Variants in CAMKK1 observed in about 807,000 individuals in gnomAD.
The protein encoded by CAMKK1 is calcium/calmodulin dependent protein kinase kinase 1, also known as calcium/calmodulin-dependent protein kinase kinase 1.
In CAMKK1, 20 loss-of-function variants were observed where a neutral mutation model predicts 63.5. The observed-to-expected ratio is 0.32, with a 90% CI of 0.22 to 0.46. The LOEUF is 0.46. Ranked by LOEUF, CAMKK1 falls within the 20% of genes least tolerant of loss-of-function variation. The pLI, the probability that CAMKK1 is intolerant of heterozygous loss-of-function variation, is 1.00. For synonymous variants in CAMKK1, 253 were observed against 269.0 expected (o/e 0.94, Z 0.58); for missense variants, 588 against 658.1 (o/e 0.89, Z 1.17).
Position 3,885,583 on chromosome 17 carries a change from T to C in CAMKK1, c.105A>G (p.Pro35=), listed in dbSNP as rs771490467. The C allele has an allele frequency of 6.2e-7, 1 of 1,614,128 alleles. No individual in the cohort carries two copies. The highest frequency in any genetic ancestry group is 1.1e-5 in the South Asian group (1 of 91,088). The change falls in exon 2 of 16, where the codon CCA becomes CCG. Residue 35 remains proline, a synonymous_variant. Transcript: ENST00000348335. ...GGTCCACACCGTTTCTAGTAGGCTC[T>C]GGGCCACCATCTGCCTCCTCCAAGT... ...VTHLEEADGG[P]EPTRNGVDPP...
intron 14 of CAMKK1, among the ~76,000 whole-genome samples, chr17:3,868,630 GC>G (rs2054681433): frequency 6.6e-6 from 1 of 152,124 alleles, no homozygotes; most frequent in East Asian, 1.9e-4. Flanking sequence ...GGTGACTGCT[GC>G]CGCTGAGCAA....
Position 3,876,345 on chromosome 17 carries a change from C to A in CAMKK1, c.874G>T (p.Ala292Ser). 1 of 1,614,204 alleles carries A rather than the reference C, an allele frequency of 6.2e-7. No homozygotes were observed. Among genetic ancestry groups the A allele is most frequent in the Non-Finnish European group, 8.5e-7 (1 of 1,180,036 alleles). ...LLGDDGHVKIADFGVSNQFEG... is the reference protein window; with the variant it reads ...LLGDDGHVKISDFGVSNQFEG... ...AACTGGTTGCTGACGCCAAAGTCGG[C>A]GATCTTCACGTGCCCATCATCCCCC... Residue 292 changes from alanine to serine, a missense_variant, in exon 10 of 16, where the codon GCC becomes TCC. Around this residue, in one of 3 missense-constraint regions of CAMKK1, gnomAD observed 357 missense variants for 407.4 expected, o/e 0.88. Transcript: ENST00000348335.
rs181256387 is a variant in CAMKK1, at chr17:3,871,802, C to T, written c.1124+752G>A. On this transcript the variant is annotated intron_variant, in intron 12 of 15. Transcript: ENST00000348335. ...CTGGGACTACAGATGTGCGCCACCA[C>T]GCCTGGCTAATTTTTGTATTTTTAG... Among the ~76,000 whole-genome samples, 148 of 151,926 alleles carry T rather than the reference C, an allele frequency of 9.7e-4. 1 individual carries two copies. The highest frequency in any genetic ancestry group is 3.4e-3 in the Middle Eastern group (1 of 294).
chr17:3,874,808 C>T (rs1028209111), intron 10 of CAMKK1, among the ~76,000 whole-genome samples: 1 of 151,896 alleles, frequency 6.6e-6, no homozygotes, highest in Admixed American at 6.6e-5. Flanking sequence ...CATGCCTGAC[C>T]GATATATAAG....
rs1027723908 is a variant in CAMKK1, at chr17:3,875,738, C to A, written c.996+485G>T. ...CCTCTTGTTCAGACAACTTTGCCTA[C>A]GCTCCTGTCACTTAGGAGAAAGCCC... is the stretch of plus-strand genomic sequence containing the variant. On this transcript the variant is annotated intron_variant, in intron 10 of 15. Coordinates refer to ENST00000348335, the MANE Select transcript of CAMKK1 (RefSeq NM_032294.3). Among the ~76,000 whole-genome samples, 4 of 152,292 alleles carry A rather than the reference C, an allele frequency of 2.6e-5. No homozygotes were observed. In the South Asian group the frequency reaches 8.3e-4, roughly 32 times the overall value.
At chr17:3,877,160 G>A (rs1229857258) in intron 9 of CAMKK1, among the ~76,000 whole-genome samples, 1 of 152,114 alleles carries the variant, frequency 6.6e-6, no homozygotes, top group Non-Finnish European at 1.5e-5. Context: ...CCCCCACCCA[G>A]GCTAGGCAAA....
chr17:3,882,575 G>A lies in CAMKK1; in HGVS notation c.649-11C>T. ...TGGGTCATCCAGGACCTGGTCAGAG[G>A]GAGCAGACATGGGGGTGGGGCTTGA... On this transcript the variant is annotated splice_polypyrimidine_tract_variant and intron_variant, in intron 6 of 15. Coordinates refer to ENST00000348335, the MANE Select transcript of CAMKK1 (RefSeq NM_032294.3). This position sits in a 1 kb window ranked among gnomAD's most constrained non-coding sequence, Gnocchi z 4.3. 1.9e-6 allele frequency: 3 copies of A among 1,590,738 alleles called. No individual in the cohort carries two copies. The highest frequency in any genetic ancestry group is 2.6e-6 in the Non-Finnish European group (3 of 1,168,470).
intron 1 of CAMKK1, among the ~76,000 whole-genome samples, 185 bp from the exon 2 acceptor site, chr17:3,885,915 A>T (rs1024528085): frequency 1.3e-5 from 2 of 152,192 alleles, no homozygotes; most frequent in Non-Finnish European, 2.9e-5. Flanking sequence ...GTTCTGCCGC[A>T]TGCCAGCCCT....
chr17:3,890,072 G>A lies in CAMKK1; in HGVS notation c.-44+2867C>T, dbSNP rs1365155418. On this transcript the variant is annotated intron_variant, in intron 1 of 15. Transcript: ENST00000348335. This position sits in a 1 kb window ranked among gnomAD's most constrained non-coding sequence, Gnocchi z 6.5. Reference sequence around the variant, plus strand: ...ACCGAACAGAAGGGAAAGCCGCAGAGGTGGCGGCCACCCAGGCCAGACACA... The same window carrying A: ...ACCGAACAGAAGGGAAAGCCGCAGAAGTGGCGGCCACCCAGGCCAGACACA... Among the ~76,000 whole-genome samples, 19 of 152,240 alleles carry A rather than the reference G, an allele frequency of 1.2e-4. No individual in the cohort carries two copies. Among genetic ancestry groups the A allele is most frequent in the Non-Finnish European group, 2.2e-4 (15 of 68,044 alleles).
chr17:3,876,102 G>A, intron 10 of CAMKK1, 121 bp downstream of exon 10: 1 of 923,736 alleles, frequency 1.1e-6, no homozygotes, highest in East Asian at 2.7e-5. Flanking sequence ...CAAGGAAGAG[G>A]CAAATATGTC....
Position 3,889,956 on chromosome 17 carries a change from G to A in CAMKK1, c.-44+2983C>T, listed in dbSNP as rs1395233772. Reference sequence around the variant, plus strand: ...GCCCTGGTCAGGCCTCATTCTGAGCGCTGGAAGGCCGCTGTGAACCCCAGT... The same window carrying A: ...GCCCTGGTCAGGCCTCATTCTGAGCACTGGAAGGCCGCTGTGAACCCCAGT... On this transcript the variant is annotated intron_variant, in intron 1 of 15. Transcript: ENST00000348335. This position sits in a 1 kb window ranked among gnomAD's most constrained non-coding sequence, Gnocchi z 5.2. 1.3e-5 allele frequency among the ~76,000 whole-genome samples: 2 copies of A among 152,214 alleles called. No individual in the cohort carries two copies. The highest frequency in any genetic ancestry group is 2.4e-5 in the African/African-American group (1 of 41,456).
Position 3,862,150 on chromosome 17 carries a change from G to T in CAMKK1, c.*61C>A. The T allele has an allele frequency of 7.1e-7, 1 of 1,409,816 alleles. No individual in the cohort carries two copies. The highest frequency in any genetic ancestry group is 9.7e-7 in the Non-Finnish European group (1 of 1,026,336). The allele number at this position is 1,409,816 out of a possible 1,614,324, so 87.3% of individuals were successfully genotyped here. A position where few individuals can be genotyped will look rare whatever the true frequency, so the allele number is the denominator to read the frequency against. On this transcript the variant is annotated 3_prime_UTR_variant, in exon 16 of 16. Transcript: ENST00000348335. This position sits in a 1 kb window ranked among gnomAD's most constrained non-coding sequence, Gnocchi z 4.1. Reference sequence around the variant, plus strand: ...TGCGGGGGCGGCTGTTGCATGAGGGGTGGGCCTCTGGAGGCGCGGGATGAG... The same window carrying T: ...TGCGGGGGCGGCTGTTGCATGAGGGTTGGGCCTCTGGAGGCGCGGGATGAG...
chr17:3,883,223 T>G lies in CAMKK1; in HGVS notation c.515-48A>C. 6.2e-7 allele frequency: 1 copy of G among 1,602,178 alleles called. No individual in the cohort carries two copies. The highest frequency in any genetic ancestry group is 8.5e-7 in the Non-Finnish European group (1 of 1,176,916). On this transcript the variant is annotated intron_variant, in intron 5 of 15. Transcript: ENST00000348335. This position sits in a 1 kb window ranked among gnomAD's most constrained non-coding sequence, Gnocchi z 4.7. ...AACACCTGTTCCAGGTGGCTGGGCC[T>G]CACCGTGGCCCCCAAACCAGTCTCA...
Position 3,861,941 on chromosome 17 carries a change from G to C in CAMKK1, c.*270C>G, listed in dbSNP as rs954019670. Reference sequence around the variant, plus strand: ...CATTTCTGAGGCTCCATGGGCACCCGGTTTCCCCACAGAATGGGTCAGGCC... The same window carrying C: ...CATTTCTGAGGCTCCATGGGCACCCCGTTTCCCCACAGAATGGGTCAGGCC... On this transcript the variant is annotated 3_prime_UTR_variant, in exon 16 of 16. Transcript: ENST00000348335. The C allele has an allele frequency of 4.7e-5, 22 of 465,834 alleles. No individual in the cohort carries two copies. Among genetic ancestry groups the C allele is most frequent in the Non-Finnish European group, 6.6e-5 (17 of 257,448 alleles). The allele number at this position is 465,834 out of a possible 1,614,324, so 28.9% of individuals were successfully genotyped here. A position where few individuals can be genotyped will look rare whatever the true frequency, so the allele number is the denominator to read the frequency against.
Position 3,892,744 on chromosome 17 carries a change from G to A in CAMKK1, c.-44+195C>T, listed in dbSNP as rs2055949694. Reference sequence around the variant, plus strand: ...GTCCCGGCGGCCGGCGCAGACCCGAGCAGACTCCGCGAGGCACCCCGCAGA... The same window carrying A: ...GTCCCGGCGGCCGGCGCAGACCCGAACAGACTCCGCGAGGCACCCCGCAGA... On this transcript the variant is annotated intron_variant, in intron 1 of 15. Coordinates refer to ENST00000348335, the MANE Select transcript of CAMKK1 (RefSeq NM_032294.3). The surrounding 1 kb of genome is among the most constrained non-coding windows in gnomAD (Gnocchi z 7.5). Among the ~76,000 whole-genome samples the A allele has an allele frequency of 1.3e-5, 2 of 152,098 alleles. No individual in the cohort carries two copies. Among genetic ancestry groups the A allele is most frequent in the Non-Finnish European group, 2.9e-5 (2 of 68,006 alleles).
chr17:3,868,973 C>CTT (rs146125805), intron 14 of CAMKK1, among the ~76,000 whole-genome samples: 12 of 125,100 alleles, frequency 9.6e-5, no homozygotes, highest in African/African-American at 1.8e-4. Flanking sequence ...TTCTTTTCTT[C>CTT]TTTTTTTTTT....
intron 14 of CAMKK1, among the ~76,000 whole-genome samples, chr17:3,866,864 C>T (rs1182754865): frequency 2.0e-5 from 3 of 152,162 alleles, no homozygotes; most frequent in African/African-American, 2.4e-5. Flanking sequence ...GGATTACAGG[C>T]GTCCACCACC....
At chr17:3,872,938 T>C (rs1264696146) in intron 11 of CAMKK1, among the ~76,000 whole-genome samples, 3 of 152,184 alleles carry the variant, frequency 2.0e-5, no homozygotes, top group African/African-American at 2.4e-5. Flanking sequence ...GCCTGGGGCT[T>C]GGGAACATGT....
chr17:3,869,117 C>T (rs1403018093), intron 14 of CAMKK1, among the ~76,000 whole-genome samples: 3 of 151,776 alleles, frequency 2.0e-5, no homozygotes, highest in Admixed American at 1.3e-4. Flanking sequence ...TACACGCGCC[C>T]GCCACCACGC....
Sources: gnomAD v4.1 joint callset for allele counts (sites outside exome capture counted in the v4.1 genomes callset) on GRCh38, gnomAD v4.1.1 for gene constraint, gnomAD v4.1.1 regional missense constraint, Gnocchi (gnomAD v3.1) non-coding constraint, MANE v1.5 for transcripts, NCBI Gene and HGNC (gene_info 2026-07-23, HGNC 2026-07-21) for gene names.